Variants in CLSTN2 observed in about 807,000 individuals in gnomAD.
CLSTN2 encodes calsyntenin 2, also known as calsyntenin-2.
CLSTN2 carries 48 observed loss-of-function variants against 101.2 expected under a neutral mutation model. The observed-to-expected ratio is 0.47, with a 90% confidence interval of 0.38 to 0.60. CLSTN2 has a LOEUF of 0.60. CLSTN2 is among the 20% of genes least tolerant of loss of function. The pLI, the probability that CLSTN2 is intolerant of heterozygous loss-of-function variation, is 0.00. For synonymous variants in CLSTN2, 481 were observed against 463.6 expected (o/e 1.04, Z -0.48); for missense variants, 1,160 against 1,238.2 (o/e 0.94, Z 0.95).
chr3:140,040,388 C>T (rs1355236077), intron 1 of CLSTN2, among the ~76,000 whole-genome samples: 1 of 152,154 alleles, frequency 6.6e-6, no homozygotes, highest in Non-Finnish European at 1.5e-5. Context: ...TCAGGCCAGA[C>T]AATGCATTGC....
intron 2 of CLSTN2, among the ~76,000 whole-genome samples, chr3:140,250,353 T>C (rs1226735701): frequency 6.6e-6 from 1 of 152,158 alleles, no homozygotes; most frequent in Non-Finnish European, 1.5e-5. Context: ...GTGCTGTACC[T>C]TCATGGTGAA....
intron 2 of CLSTN2, among the ~76,000 whole-genome samples, chr3:140,373,378 A>G (rs1329362600): frequency 1.3e-5 from 2 of 152,202 alleles, no homozygotes; most frequent in Non-Finnish European, 2.9e-5. Flanking sequence ...GTAACCACCA[A>G]GCATAAAACA....
At chr3:140,422,207 CTCTCTCT>C in intron 5 of CLSTN2, among the ~76,000 whole-genome samples, 1 of 152,056 alleles carries the variant, frequency 6.6e-6, no homozygotes, top group African/African-American at 2.4e-5. Flanking sequence ...CTCTCTCTCT[CTCTCTCT>C]CTCTCTGCTA....
chr3:140,010,448 T>C (rs777427622), intron 1 of CLSTN2, among the ~76,000 whole-genome samples: 2 of 152,316 alleles, frequency 1.3e-5, no homozygotes, highest in African/African-American at 2.4e-5. Flanking sequence ...CCTTGTTGTC[T>C]GGCAGGCGCT....
chr3:140,473,233 C>T (rs965619339), intron 8 of CLSTN2, among the ~76,000 whole-genome samples: 7 of 152,226 alleles, frequency 4.6e-5, no homozygotes, highest in Non-Finnish European at 7.3e-5. Flanking sequence ...CATCATGCCT[C>T]AGATTCCTGC....
chr3:140,211,531 CTG>C lies in CLSTN2; in HGVS notation c.232+35482_232+35483del, dbSNP rs60408720. Among the ~76,000 whole-genome samples, 1,105 of 142,448 alleles carry C rather than the reference CTG, an allele frequency of 7.8e-3. 11 individuals carry two copies. The highest frequency in any genetic ancestry group is 0.019 in the African/African-American group (746 of 38,710). 93.5% of individuals were successfully genotyped at this position (142,448 alleles called of 152,430 possible). A position where few individuals can be genotyped will look rare whatever the true frequency, so the allele number is the denominator to read the frequency against. On this transcript the variant is annotated intron_variant, in intron 2 of 16. Coordinates refer to ENST00000458420, the MANE Select transcript of CLSTN2 (RefSeq NM_022131.3). ...ACCTGGGGACTCCAAGGATCAAAAT[CTG>C]TGTGTGTGTGTGTGTGTGTGTGTAG...
intron 8 of CLSTN2, among the ~76,000 whole-genome samples, chr3:140,509,471 C>A (rs532904847): frequency 6.6e-6 from 1 of 152,086 alleles, no homozygotes; most frequent in Admixed American, 6.6e-5. Flanking sequence ...CTTTGAGAAC[C>A]ACTGTTCTGA....
At chr3:139,952,567 A>G (rs1288776704) in intron 1 of CLSTN2, among the ~76,000 whole-genome samples, 1 of 152,200 alleles carries the variant, frequency 6.6e-6, no homozygotes, top group Non-Finnish European at 1.5e-5. Flanking sequence ...TAGGAAAGGT[A>G]AAGTCCTGTC....
chr3:139,946,387 G>A (rs1454219711), intron 1 of CLSTN2, among the ~76,000 whole-genome samples: 1 of 152,182 alleles, frequency 6.6e-6, no homozygotes, highest in Non-Finnish European at 1.5e-5. Context: ...GGTAGACAGG[G>A]CATGTCCAAG....
At position 139,975,156 on chromosome 3, in the gene CLSTN2, C is replaced by T. The variant is rs138099212; in HGVS notation, c.109+39673C>T. Among the ~76,000 whole-genome samples the T allele has an allele frequency of 2.6e-3, 402 of 152,234 alleles. 1 individual carries two copies. The highest frequency in any genetic ancestry group is 9.3e-3 in the African/African-American group (385 of 41,532). On this transcript the variant is annotated intron_variant, in intron 1 of 16. Transcript: ENST00000458420. ...TGGGAGTGGTAACCTCCACCCTGGG[C>T]CTTGATATAAGAGCTGTAGCTTCCT...
At chr3:140,016,994 C>T (rs2007215600) in intron 1 of CLSTN2, among the ~76,000 whole-genome samples, 1 of 152,118 alleles carries the variant, frequency 6.6e-6, no homozygotes, top group Non-Finnish European at 1.5e-5. Flanking sequence ...GTGTCCCTAA[C>T]TCTTGAGTTG....
At chr3:140,168,077 ATAGAATTGCT>A (rs1168417556) in intron 1 of CLSTN2, among the ~76,000 whole-genome samples, 1 of 152,202 alleles carries the variant, frequency 6.6e-6, no homozygotes, top group Non-Finnish European at 1.5e-5. Context: ...AATCCTAGGA[ATAGAATTGCT>A]GAGTCATTTT....
intron 1 of CLSTN2, among the ~76,000 whole-genome samples, chr3:140,119,919 T>G (rs1275245013): frequency 6.6e-6 from 1 of 152,176 alleles, no homozygotes; most frequent in African/African-American, 2.4e-5. Context: ...AGCCTCAGTT[T>G]CATCTCCCAT....
intron 2 of CLSTN2, among the ~76,000 whole-genome samples, chr3:140,287,244 C>A (rs959124694): frequency 6.6e-6 from 1 of 152,126 alleles, no homozygotes; most frequent in Non-Finnish European, 1.5e-5. Flanking sequence ...ATCTCAAAAT[C>A]ATTATGCTGA....
At chr3:140,204,073 T>G (rs4532091) in intron 2 of CLSTN2, among the ~76,000 whole-genome samples, 49,927 of 152,138 alleles carry the variant, frequency 0.33, 8,894 homozygotes, top group Middle Eastern at 0.41. Context: ...TGTGGCATGT[T>G]AGACTCAGCT....
At chr3:140,418,113 A>G (rs1383451873) in intron 4 of CLSTN2, among the ~76,000 whole-genome samples, 1 of 152,134 alleles carries the variant, frequency 6.6e-6, no homozygotes, top group Admixed American at 6.5e-5. Flanking sequence ...GGGCCATTTA[A>G]TTTTAAAGAA....
chr3:139,935,270 C>A lies in CLSTN2; in HGVS notation c.-105C>A. On this transcript the variant is annotated 5_prime_UTR_variant, in exon 1 of 17. Transcript: ENST00000458420. This position sits in a 1 kb window ranked among gnomAD's most constrained non-coding sequence, Gnocchi z 5.5. ...CCGCGGCGGCAGCGCTAGAAGCGCA[C>A]CCATCGGGCACGGCGAGGCGGCCCA... is the stretch of plus-strand genomic sequence containing the variant. 1 of 514,324 alleles carries A rather than the reference C, an allele frequency of 1.9e-6. No homozygotes were observed. Among genetic ancestry groups the A allele is most frequent in the Non-Finnish European group, 2.9e-6 (1 of 340,896 alleles). 31.9% of individuals were successfully genotyped at this position (514,324 alleles called of 1,614,324 possible).
At chr3:140,479,886 A>G (rs1934075376) in intron 8 of CLSTN2, among the ~76,000 whole-genome samples, 2 of 152,340 alleles carry the variant, frequency 1.3e-5, no homozygotes, top group South Asian at 2.1e-4. Context: ...CCGAATAAAT[A>G]CAAAGAAAGC....
intron 7 of CLSTN2, 113 bp downstream of exon 7, chr3:140,459,882 T>G: frequency 3.3e-6 from 4 of 1,222,210 alleles, no homozygotes; most frequent in Non-Finnish European, 4.7e-6. Context: ...AGCAGGAGCC[T>G]GAGAGGAACC....
Sources: gnomAD v4.1 joint callset for allele counts (sites outside exome capture counted in the v4.1 genomes callset) on GRCh38, gnomAD v4.1.1 for gene constraint, Gnocchi (gnomAD v3.1) non-coding constraint, MANE v1.5 for transcripts, NCBI Gene and HGNC (gene_info 2026-07-23, HGNC 2026-07-21) for gene names.